The following SLC5A3 variants were observed in gnomAD, a reference collection of about 807,000 sequenced individuals.
SLC5A3 encodes solute carrier family 5 member 3, also known as sodium/myo-inositol cotransporter.
A neutral mutation model predicts 43.2 loss-of-function variants in SLC5A3; 10 were observed. That is an observed-to-expected ratio of 0.23 (90% confidence interval 0.14 to 0.39). The LOEUF is 0.39. Ranked by LOEUF, SLC5A3 falls within the 10% of genes least tolerant of loss-of-function variation. The pLI is 1.00. For synonymous variants in SLC5A3, 349 were observed against 322.0 expected, an observed-to-expected ratio of 1.08 and a Z score of -0.90; for missense variants, 608 against 893.4, an observed-to-expected ratio of 0.68 and a Z score of 4.07.
In SLC5A3 at chr21:34,102,167, T is replaced by C. The variant is rs138867556; in HGVS notation, c.*4812T>C. 1.9e-4 allele frequency: 192 copies of C among 1,000,094 alleles called. 1 individual carries two copies. The African/African-American group carries it at 3.0e-3, about 15-fold the overall frequency. The allele number at this position is 1,000,094 out of a possible 1,614,324, so 62.0% of individuals were successfully genotyped here. ...CAGACTGTCCTTTGTTGGAATACTT[T>C]AGCTGTTCAGCTACTTTGACTCCTA... is the stretch of plus-strand genomic sequence containing the variant. On this transcript the variant is annotated 3_prime_UTR_variant, in exon 2 of 2. Transcript: ENST00000381151.
intron 1 of SLC5A3, among the ~76,000 whole-genome samples, chr21:34,086,367 A>G (rs1197056208): frequency 6.6e-6 from 1 of 152,180 alleles, no homozygotes; most frequent in Admixed American, 6.5e-5. Flanking sequence ...GTCCCCCAGC[A>G]GCCTTTCTCC....
rs550318823 is a variant in SLC5A3, at chr21:34,099,882, G to T, written c.*2527G>T. ...TCTTTCTTATTGCTTCCCAGTAATA[G>T]ATAATGTGCTCGAGTAAGTTTGTGA... On this transcript the variant is annotated 3_prime_UTR_variant, in exon 2 of 2. Transcript: ENST00000381151. The T allele has an allele frequency of 5.4e-6, 2 of 367,576 alleles. No homozygotes were observed. The highest frequency in any genetic ancestry group is 4.4e-5 in the African/African-American group (2 of 45,162). 22.8% of individuals were successfully genotyped at this position (367,576 alleles called of 1,614,324 possible).
In SLC5A3 at chr21:34,073,754, C is replaced by T; in HGVS notation, c.-337+9C>T. 1 of 1,517,488 alleles carries T rather than the reference C, an allele frequency of 6.6e-7. No individual in the cohort carries two copies. Among genetic ancestry groups the T allele is most frequent in the Non-Finnish European group, 8.9e-7 (1 of 1,127,470 alleles). 94.0% of individuals were successfully genotyped at this position (1,517,488 alleles called of 1,614,324 possible). ...TGAAAGCCATGCAGCGGGTAAGTGA[C>T]CTTCCCTCAGAGCCGGTCTTCCCGC... On this transcript the variant is annotated intron_variant, in intron 1 of 1. Transcript: ENST00000381151.
chr21:34,081,661 A>G (rs1989461826), intron 1 of SLC5A3, among the ~76,000 whole-genome samples: 1 of 152,166 alleles, frequency 6.6e-6, no homozygotes, highest in Admixed American at 6.5e-5. Flanking sequence ...CCTTCTTTGT[A>G]AAATGGAAGT....
chr21:34,076,417 C>T (rs1040718912), intron 1 of SLC5A3, among the ~76,000 whole-genome samples: 2 of 152,188 alleles, frequency 1.3e-5, no homozygotes, highest in Non-Finnish European at 2.9e-5. Context: ...TGAAAGATTT[C>T]AGAGTGTATT....
chr21:34,075,225 TC>T (rs1300933025), intron 1 of SLC5A3, among the ~76,000 whole-genome samples: 1 of 152,226 alleles, frequency 6.6e-6, no homozygotes, highest in Non-Finnish European at 1.5e-5. Context: ...TTGTTTACTT[TC>T]CTTGTCTTGG....
intron 1 of SLC5A3, among the ~76,000 whole-genome samples, chr21:34,089,168 C>A (rs548622809): frequency 6.7e-6 from 1 of 149,782 alleles, no homozygotes; most frequent in Non-Finnish European, 1.5e-5. Context: ...GCTGGGATTA[C>A]AGGCGTGTGC....
Position 34,073,843 on chromosome 21 carries a change from C to T in SLC5A3, c.-337+98C>T, listed in dbSNP as rs1038687627. On this transcript the variant is annotated intron_variant, in intron 1 of 1. Coordinates refer to ENST00000381151, the MANE Select transcript of SLC5A3 (RefSeq NM_006933.7). ...GCGCCCTGGCCGCGGGACCCCGGGC[C>T]TTCCTGCACTCCTCGGAGGAGGCCG... is the stretch of plus-strand genomic sequence containing the variant. The T allele has an allele frequency of 1.3e-5, 10 of 785,414 alleles. No homozygotes were observed. In the Admixed American group the frequency reaches 2.0e-4, roughly 16 times the overall value. 48.7% of individuals were successfully genotyped at this position (785,414 alleles called of 1,614,324 possible).
chr21:34,088,568 A>G (rs576887277), intron 1 of SLC5A3, among the ~76,000 whole-genome samples: 1 of 152,244 alleles, frequency 6.6e-6, no homozygotes, highest in Non-Finnish European at 1.5e-5. Context: ...TTAAACACGC[A>G]TGATCTTTTA....
intron 1 of SLC5A3, among the ~76,000 whole-genome samples, chr21:34,084,119 T>G (rs1287936358): frequency 2.0e-5 from 3 of 148,434 alleles, no homozygotes; most frequent in East Asian, 3.9e-4. Flanking sequence ...TTTGTGGTCT[T>G]ACTTCTTACT....
rs527529430 is a variant in SLC5A3 at position 34,104,082 on chromosome 21, T to C, written c.*6727T>C. 47 of 999,688 alleles carry C rather than the reference T, an allele frequency of 4.7e-5. No individual in the cohort carries two copies. Among genetic ancestry groups the C allele is most frequent in the Non-Finnish European group, 5.7e-5 (47 of 829,664 alleles). 61.9% of individuals were successfully genotyped at this position (999,688 alleles called of 1,614,324 possible). A position where few individuals can be genotyped will look rare whatever the true frequency, so the allele number is the denominator to read the frequency against. ...CAGGGCAAATACTACTTGTCTTTGA[T>C]TTTTTTTGTGTACGTTTGTATGTGA... On this transcript the variant is annotated 3_prime_UTR_variant, in exon 2 of 2. Transcript: ENST00000381151.
chr21:34,104,138 A>T lies in SLC5A3; in HGVS notation c.*6783A>T. 2.0e-6 allele frequency: 2 copies of T among 999,874 alleles called. No individual in the cohort carries two copies. The highest frequency in any genetic ancestry group is 1.2e-6 in the Non-Finnish European group (1 of 829,872). The allele number at this position is 999,874 out of a possible 1,614,324, so 61.9% of individuals were successfully genotyped here. A position where few individuals can be genotyped will look rare whatever the true frequency, so the allele number is the denominator to read the frequency against. On this transcript the variant is annotated 3_prime_UTR_variant, in exon 2 of 2. Coordinates refer to ENST00000381151, the MANE Select transcript of SLC5A3 (RefSeq NM_006933.7). ...GAAGTTACCTTTATTTTTTTCCTAT[A>T]CTTGACTGTGCTTCATTTTAATAAA...
At chr21:34,087,783 C>T (rs1388714033) in intron 1 of SLC5A3, among the ~76,000 whole-genome samples, 2 of 152,214 alleles carry the variant, frequency 1.3e-5, no homozygotes, top group South Asian at 2.1e-4. Flanking sequence ...AGCATGGAGA[C>T]AAGAGGCTGG....
Position 34,097,435 on chromosome 21 carries a change from C to T in SLC5A3, c.*80C>T. ...AAAAAAGTTATGTAACTGTGCATCT[C>T]TCAGGCATTGTTTACGCTGTAGGTT... On this transcript the variant is annotated 3_prime_UTR_variant, in exon 2 of 2. Coordinates refer to ENST00000381151, the MANE Select transcript of SLC5A3 (RefSeq NM_006933.7). 3 of 1,504,948 alleles carry T rather than the reference C, an allele frequency of 2.0e-6. No individual in the cohort carries two copies. Among genetic ancestry groups the T allele is most frequent in the East Asian group, 2.3e-5 (1 of 43,664 alleles). 93.2% of individuals were successfully genotyped at this position (1,504,948 alleles called of 1,614,324 possible). A position where few individuals can be genotyped will look rare whatever the true frequency, so the allele number is the denominator to read the frequency against.
intron 1 of SLC5A3, among the ~76,000 whole-genome samples, chr21:34,074,255 G>A (rs556175026): frequency 6.6e-6 from 1 of 151,910 alleles, no homozygotes; most frequent in African/African-American, 2.4e-5. Context: ...GAACGTCCGC[G>A]CCCAATAAAG....
Position 34,101,094 on chromosome 21 carries a change from A to G in SLC5A3, c.*3739A>G. 7 of 1,000,130 alleles carry G rather than the reference A, an allele frequency of 7.0e-6. No homozygotes were observed. Among genetic ancestry groups the G allele is most frequent in the Non-Finnish European group, 8.4e-6 (7 of 829,892 alleles). The allele number at this position is 1,000,130 out of a possible 1,614,324, so 62.0% of individuals were successfully genotyped here. A position where few individuals can be genotyped will look rare whatever the true frequency, so the allele number is the denominator to read the frequency against. The stretch of plus-strand genomic sequence containing the variant: ...ACCTTTCCTGTTAAATTACGTGACT[A>G]CAGAGACTTGCCAGGACAAAATTTT... On this transcript the variant is annotated 3_prime_UTR_variant, in exon 2 of 2. Coordinates refer to ENST00000381151, the MANE Select transcript of SLC5A3 (RefSeq NM_006933.7).
chr21:34,094,627 TGAGGTA>T (rs1328733462), intron 1 of SLC5A3, among the ~76,000 whole-genome samples: 1 of 152,258 alleles, frequency 6.6e-6, no homozygotes, highest in Non-Finnish European at 1.5e-5. Context: ...CACTTAGTTA[TGAGGTA>T]GATGAATTTC....
chr21:34,104,379 C>T lies in SLC5A3; in HGVS notation c.*7024C>T, dbSNP rs1346065690. The T allele has an allele frequency of 1.0e-6, 1 of 1,000,072 alleles. No homozygotes were observed. The highest frequency in any genetic ancestry group is 6.2e-5 in the Admixed American group (1 of 16,260). The allele number at this position is 1,000,072 out of a possible 1,614,324, so 61.9% of individuals were successfully genotyped here. A position where few individuals can be genotyped will look rare whatever the true frequency, so the allele number is the denominator to read the frequency against. ...TGCCCTTTTCCACCTCCTCACTTCA[C>T]CTCCGAGTAGCTTGTTTATCAAGAA... On this transcript the variant is annotated 3_prime_UTR_variant, in exon 2 of 2. Coordinates refer to ENST00000381151, the MANE Select transcript of SLC5A3 (RefSeq NM_006933.7).
At chr21:34,087,106 G>A (rs564838021) in intron 1 of SLC5A3, among the ~76,000 whole-genome samples, 1 of 152,302 alleles carries the variant, frequency 6.6e-6, no homozygotes, top group Admixed American at 6.5e-5. Flanking sequence ...GAGGGAGATG[G>A]TGGCTCCAGA....
Sources: allele counts gnomAD v4.1 joint callset (sites outside exome capture counted in the v4.1 genomes callset), GRCh38; gene constraint gnomAD v4.1.1; transcripts MANE v1.5; gene names NCBI Gene and HGNC (gene_info 2026-07-23, HGNC 2026-07-21).